EDARADD: variants seen among roughly 807,000 people sequenced by gnomAD.
EDARADD encodes EDAR associated via death domain.
EDARADD carries 20 observed loss-of-function variants against 25.6 expected under a neutral mutation model. The observed-to-expected ratio is 0.78, with a 90% CI of 0.55 to 1.14. The LOEUF is 1.14. Ranked by LOEUF, EDARADD falls within the 50% of genes most tolerant of loss-of-function variation. The probability of loss-of-function intolerance (pLI) is 0.00; values close to 1 mark genes in which losing one functional copy is unlikely to be tolerated. For synonymous variants in EDARADD, 86 were observed against 94.4 expected (o/e 0.91, Z 0.52); for missense variants, 225 against 270.1 (o/e 0.83, Z 1.17).
intron 1 of EDARADD, among the ~76,000 whole-genome samples, chr1:236,405,769 CTTTCTTTCTTTCTTTCTTTCT>C (rs1232982136): frequency 0.061 from 4,231 of 69,008 alleles, 237 homozygotes; most frequent in South Asian, 0.085. Context: ...TTCTTTCTTT[CTTTCTTTCTTTCTTTCTTTCT>C]TTTCTTTTTC....
intron 3 of EDARADD, among the ~76,000 whole-genome samples, chr1:236,387,276 A>G (rs1667369135): frequency 8.1e-5 from 1 of 12,336 alleles, no homozygotes; most frequent in African/African-American, 4.1e-4. Context: ...CCTACTGGGA[A>G]GTGAGGAGCC....
intron 1 of EDARADD, among the ~76,000 whole-genome samples, chr1:236,406,165 T>A (rs974844486): frequency 1.3e-5 from 2 of 151,764 alleles, no homozygotes; most frequent in African/African-American, 4.8e-5. Context: ...CCAGGTACCC[T>A]GTAGTGAAGA....
At chr1:236,374,185 T>C (rs1667200064) in intron 3 of EDARADD, among the ~76,000 whole-genome samples, 1 of 152,202 alleles carries the variant, frequency 6.6e-6, no homozygotes, top group Non-Finnish European at 1.5e-5. Context: ...TCAAGTTGAT[T>C]GATGGTGCTA....
chr1:236,362,032 T>C (rs1395802938), intron 3 of EDARADD, among the ~76,000 whole-genome samples: 1 of 152,040 alleles, frequency 6.6e-6, no homozygotes, highest in African/African-American at 2.4e-5. Flanking sequence ...ACAAGCAGAA[T>C]AGGAGAGTCC....
chr1:236,384,342 G>C (rs918794524), intron 3 of EDARADD, among the ~76,000 whole-genome samples: 2 of 152,204 alleles, frequency 1.3e-5, no homozygotes, highest in Non-Finnish European at 1.5e-5. Flanking sequence ...TTGCCGATCG[G>C]TTAACTCATT....
At chr1:236,446,322 C>G (rs545599093) in intron 4 of EDARADD, among the ~76,000 whole-genome samples, 6 of 152,096 alleles carry the variant, frequency 3.9e-5, no homozygotes, top group Non-Finnish European at 7.4e-5. Context: ...GAGGCCGAGG[C>G]AGGTGGATCA....
intron 3 of EDARADD, among the ~76,000 whole-genome samples, chr1:236,378,969 G>A (rs976947712): frequency 3.3e-5 from 5 of 152,074 alleles, no homozygotes; most frequent in Non-Finnish European, 5.9e-5. Context: ...GAGGGGATGA[G>A]GAGAGAGGGA....
intron 4 of EDARADD, among the ~76,000 whole-genome samples, chr1:236,435,260 A>G (rs1658216321): frequency 6.6e-6 from 1 of 152,262 alleles, no homozygotes; most frequent in South Asian, 2.1e-4. Context: ...AGGAATAGCC[A>G]GAGAAGAAAA....
chr1:236,442,700 G>A (rs1388512558), intron 4 of EDARADD, among the ~76,000 whole-genome samples: 2 of 152,176 alleles, frequency 1.3e-5, no homozygotes, highest in Non-Finnish European at 2.9e-5. Context: ...AATATTTTAA[G>A]CCCACTGTTA....
At chr1:236,467,082 CA>C (rs61551263) in intron 4 of EDARADD, among the ~76,000 whole-genome samples, 29,516 of 147,698 alleles carry the variant, frequency 0.2, 4,742 homozygotes, top group African/African-American at 0.44. Flanking sequence ...AACAAAAAAA[CA>C]AAAAAAAAAC....
At position 236,356,976 on chromosome 1, in the gene EDARADD, A is replaced by G. The variant is rs567177871; in HGVS notation, c.-6+6137A>G. On this transcript the variant is annotated intron_variant, in intron 3 of 7. Coordinates refer to the EDARADD transcript ENST00000439430. ...GTGCATGCCTGTAATCCCAGCTACT[A>G]TGGAGGCTGAGGCACTAGAATTGCT... is the stretch of plus-strand genomic sequence containing the variant. Among the ~76,000 whole-genome samples, 27 of 151,984 alleles carry G rather than the reference A, an allele frequency of 1.8e-4. No individual in the cohort carries two copies. In the South Asian group the frequency reaches 5.2e-3, roughly 29 times the overall value.
chr1:236,386,958 C>CGGGA (rs1667362784), intron 3 of EDARADD, among the ~76,000 whole-genome samples: 1 of 47,510 alleles, frequency 2.1e-5, no homozygotes, highest in Non-Finnish European at 4.6e-5. Context: ...CCGCCCCGTC[C>CGGGA]GGGAGGTGAG....
intron 4 of EDARADD, among the ~76,000 whole-genome samples, chr1:236,428,249 A>C (rs2990592): frequency 0.48 from 73,593 of 152,006 alleles, 19,034 homozygotes; most frequent in Non-Finnish European, 0.59. Context: ...ATTAACCCTG[A>C]GTGGACACAG....
At chr1:236,419,102 T>C (rs1657715433) in intron 3 of EDARADD, among the ~76,000 whole-genome samples, 1 of 152,154 alleles carries the variant, frequency 6.6e-6, no homozygotes, top group Admixed American at 6.6e-5. Flanking sequence ...GAAAGCCACC[T>C]GAGAAAAGTC....
intron 3 of EDARADD, among the ~76,000 whole-genome samples, chr1:236,381,526 ATC>A (rs1667296410): frequency 6.6e-6 from 1 of 151,906 alleles, no homozygotes; most frequent in Non-Finnish European, 1.5e-5. Context: ...TAGCTTCCAT[ATC>A]TCCCTTCTAG....
At chr1:236,356,762 A>C (rs1449665410) in intron 3 of EDARADD, among the ~76,000 whole-genome samples, 1 of 139,190 alleles carries the variant, frequency 7.2e-6, no homozygotes, top group African/African-American at 2.7e-5. Flanking sequence ...AAAACAAAAA[A>C]AAAAACCACA....
intron 3 of EDARADD, among the ~76,000 whole-genome samples, chr1:236,358,747 G>T (rs1208441013): frequency 6.6e-6 from 1 of 152,122 alleles, no homozygotes; most frequent in Non-Finnish European, 1.5e-5. Flanking sequence ...TGTTTGTTAT[G>T]ATTTCAGTTA....
At chr1:236,434,255 T>TG in intron 4 of EDARADD, among the ~76,000 whole-genome samples, 1 of 152,178 alleles carries the variant, frequency 6.6e-6, no homozygotes, top group Middle Eastern at 3.4e-3. Context: ...TTTTTTTTTT[T>TG]GAGATGGAAT....
Position 236,482,814 on chromosome 1 carries a change from T to A in EDARADD, c.*165T>A. ...TTTGTGGAGGGGTAGCTTGTTTCGG[T>A]GGTGGATCTCTGTTTATTTTTGCAC... On this transcript the variant is annotated 3_prime_UTR_variant, in exon 6 of 6. Transcript: ENST00000334232. The A allele has an allele frequency of 1.2e-6, 1 of 856,024 alleles. No homozygotes were observed. Among genetic ancestry groups the A allele is most frequent in the Non-Finnish European group, 1.8e-6 (1 of 548,818 alleles). The allele number at this position is 856,024 out of a possible 1,614,324, so 53.0% of individuals were successfully genotyped here.
Sources: allele counts gnomAD v4.1 joint callset (sites outside exome capture counted in the v4.1 genomes callset), GRCh38; gene constraint gnomAD v4.1.1; transcripts MANE v1.5; gene names NCBI Gene and HGNC (gene_info 2026-07-23, HGNC 2026-07-21).